The following RABGAP1L variants were observed in gnomAD, a reference collection of about 807,000 sequenced individuals.
RABGAP1L encodes the protein rab GTPase-activating protein 1-like.
Under a neutral mutation model 137.7 loss-of-function variants are expected in RABGAP1L, and 63 were observed. The ratio of observed to expected loss-of-function variants is 0.46; its 90% CI spans 0.37 to 0.56. The LOEUF (loss-of-function observed/expected upper bound fraction) is 0.56, where lower values mean the gene tolerates loss of function less well. Ranked by LOEUF, RABGAP1L falls within the 20% of genes least tolerant of loss-of-function variation. RABGAP1L has a pLI of 0.00. For missense variants in RABGAP1L, 1,095 were observed against 1,244.0 expected, an observed-to-expected ratio of 0.88 and a Z score of 1.80; for synonymous variants, 431 against 433.7, an observed-to-expected ratio of 0.99 and a Z score of 0.08.
intron 13 of RABGAP1L, among the ~76,000 whole-genome samples, chr1:174,528,027 T>C (rs1236023527): frequency 1.3e-5 from 2 of 151,984 alleles, no homozygotes; most frequent in Non-Finnish European, 2.9e-5. Flanking sequence ...ACTTTCATTC[T>C]ATATGTGTCT....
Position 174,448,189 on chromosome 1 carries a change from C to T in RABGAP1L, c.1710+54044C>T. 1 of 1,613,798 alleles carries T rather than the reference C, an allele frequency of 6.2e-7. No individual in the cohort carries two copies. ...TTGTGAATGTGTCCGAGCGTCACTC[C>T]TGCCCACTTGGATTTGGCCACTACA... On this transcript the variant is annotated intron_variant, in intron 13 of 25. Transcript: ENST00000681986. The surrounding 1 kb of genome is among the most constrained non-coding windows in gnomAD (Gnocchi z 4.2).
intron 12 of RABGAP1L, 28 bp from the exon 13 acceptor site, chr1:174,393,967 T>C: frequency 1.2e-6 from 2 of 1,606,386 alleles, no homozygotes; most frequent in Non-Finnish European, 1.7e-6. Context: ...AAAGGAAGTG[T>C]GAATGGATTA....
chr1:174,821,802 A>C (rs1259898693), intron 19 of RABGAP1L, among the ~76,000 whole-genome samples: 1 of 152,176 alleles, frequency 6.6e-6, no homozygotes, highest in Non-Finnish European at 1.5e-5. Flanking sequence ...GTGTGCTTTT[A>C]TGTACACCAT....
intron 24 of RABGAP1L, among the ~76,000 whole-genome samples, chr1:174,986,217 G>T (rs1375481879): frequency 7.2e-5 from 10 of 139,760 alleles, no homozygotes; most frequent in African/African-American, 2.7e-4. Flanking sequence ...CAAAGTGCTG[G>T]GATTAACGGG....
At chr1:174,942,972 A>G (rs907729230) in intron 19 of RABGAP1L, among the ~76,000 whole-genome samples, 1 of 152,208 alleles carries the variant, frequency 6.6e-6, no homozygotes, top group African/African-American at 2.4e-5. Context: ...ACCCAGCAGA[A>G]TGATTACATA....
At chr1:174,963,223 T>C (rs548179043) in intron 20 of RABGAP1L, among the ~76,000 whole-genome samples, 1 of 152,302 alleles carries the variant, frequency 6.6e-6, no homozygotes, top group South Asian at 2.1e-4. Context: ...TTTTAAGGAA[T>C]AGTAATAGAC....
At chr1:174,935,053 A>G (rs1343218549) in intron 19 of RABGAP1L, 1 of 152,194 alleles carries the variant, frequency 6.6e-6, no homozygotes, top group East Asian at 1.9e-4. Flanking sequence ...GTAGTATGTT[A>G]CTTGCTTAGA....
At chr1:174,165,855 A>G (rs564441203) in intron 1 of RABGAP1L, among the ~76,000 whole-genome samples, 73 of 152,332 alleles carry the variant, frequency 4.8e-4, no homozygotes, top group African/African-American at 1.7e-3. Flanking sequence ...TAGGACAACT[A>G]GTATGAGAGA....
intron 5 of RABGAP1L, among the ~76,000 whole-genome samples, chr1:174,243,730 T>A (rs1051824241): frequency 1.3e-5 from 2 of 152,164 alleles, no homozygotes; most frequent in African/African-American, 4.8e-5. Context: ...ATTGTCCAGG[T>A]TTTTACTAAT....
intron 19 of RABGAP1L, among the ~76,000 whole-genome samples, chr1:174,909,505 G>A (rs1194555914): frequency 6.6e-6 from 1 of 152,178 alleles, no homozygotes; most frequent in Non-Finnish European, 1.5e-5. Flanking sequence ...AGGATTATAG[G>A]CATGAGCCAC....
At chr1:174,940,361 T>C (rs968071425) in intron 19 of RABGAP1L, among the ~76,000 whole-genome samples, 6 of 151,930 alleles carry the variant, frequency 3.9e-5, no homozygotes, top group Non-Finnish European at 5.9e-5. Flanking sequence ...CTCAAACTTA[T>C]GGGCTTAAGG....
intron 11 of RABGAP1L, among the ~76,000 whole-genome samples, chr1:174,349,051 G>C (rs1571335213): frequency 6.7e-6 from 1 of 149,954 alleles, no homozygotes; most frequent in South Asian, 2.1e-4. Context: ...GGGCGGGGGG[G>C]GGGCTGACCC....
chr1:174,384,230 C>A (rs1386772960), intron 12 of RABGAP1L, among the ~76,000 whole-genome samples: 1 of 152,128 alleles, frequency 6.6e-6, no homozygotes, highest in Non-Finnish European at 1.5e-5. Context: ...TCAAAACTAT[C>A]ATCATAGGAA....
intron 13 of RABGAP1L, among the ~76,000 whole-genome samples, chr1:174,401,516 T>C (rs1648580373): frequency 6.6e-6 from 1 of 152,098 alleles, no homozygotes; most frequent in Non-Finnish European, 1.5e-5. Flanking sequence ...CTATAGGAAA[T>C]ATGGAGATTA....
chr1:174,308,596 G>T (rs1250624134), intron 11 of RABGAP1L, among the ~76,000 whole-genome samples: 1 of 151,970 alleles, frequency 6.6e-6, no homozygotes, highest in Non-Finnish European at 1.5e-5. Flanking sequence ...GCATGTTGTG[G>T]ATATCCAGTT....
chr1:174,648,676 G>A (rs1675193394), intron 14 of RABGAP1L, among the ~76,000 whole-genome samples: 2 of 152,118 alleles, frequency 1.3e-5, no homozygotes, highest in African/African-American at 2.4e-5. Flanking sequence ...TGTATATTCT[G>A]TTGATTTGGG....
In RABGAP1L at chr1:174,886,566, A is replaced by G. The variant is rs148269712; in HGVS notation, c.2341-70891A>G. 1.1e-4 allele frequency among the ~76,000 whole-genome samples: 17 copies of G among 152,334 alleles called. No homozygotes were observed. In the East Asian group the frequency reaches 1.7e-3, roughly 16 times the overall value. ...AAGTTGGTTCAGGAGAAGAAGGATAAAAATTGCTACATACTAACTTAAACA... is the reference window on the plus strand; with the variant it reads ...AAGTTGGTTCAGGAGAAGAAGGATAGAAATTGCTACATACTAACTTAAACA... On this transcript the variant is annotated intron_variant, in intron 19 of 25. Transcript: ENST00000681986.
At chr1:174,653,922 C>G (rs1258153912) in intron 14 of RABGAP1L, among the ~76,000 whole-genome samples, 1 of 152,092 alleles carries the variant, frequency 6.6e-6, no homozygotes, top group South Asian at 2.1e-4. Flanking sequence ...TTCAGATCCT[C>G]TGAGAAGCCT....
intron 13 of RABGAP1L, among the ~76,000 whole-genome samples, chr1:174,513,620 A>T (rs1195904766): frequency 1.3e-5 from 2 of 152,122 alleles, no homozygotes; most frequent in Non-Finnish European, 2.9e-5. Context: ...ACCCCCAAAA[A>T]TAAATAAATA....
Sources: gnomAD v4.1 joint callset for allele counts (sites outside exome capture counted in the v4.1 genomes callset) on GRCh38, gnomAD v4.1.1 for gene constraint, Gnocchi (gnomAD v3.1) non-coding constraint, MANE v1.5 for transcripts, NCBI Gene and HGNC (gene_info 2026-07-23, HGNC 2026-07-21) for gene names.